Variants in TMEM236 observed in about 807,000 individuals in gnomAD.
TMEM236 encodes family with sequence similarity 23, member A.
In TMEM236, 11 loss-of-function variants were observed where a neutral mutation model predicts 14.7. The ratio of observed to expected loss-of-function variants is 0.75; its 90% CI spans 0.47 to 1.24. The LOEUF (loss-of-function observed/expected upper bound fraction) is 1.24, where lower values mean the gene tolerates loss of function less well. Among genes scored for constraint, TMEM236 ranks in the 50% most tolerant of loss-of-function variants. The pLI is 0.00. For synonymous variants in TMEM236, 182 were observed against 168.6 expected (o/e 1.08, Z -0.62); for missense variants, 464 against 427.3 (o/e 1.09, Z -0.76).
In TMEM236 at chr10:17,800,469, G is replaced by T. The variant is rs1838078002; in HGVS notation, c.*3965G>T. 1.3e-5 allele frequency: 2 copies of T among 151,932 alleles called. No homozygotes were observed. The highest frequency in any genetic ancestry group is 2.9e-5 in the Non-Finnish European group (2 of 67,998). The allele number at this position is 151,932 out of a possible 1,614,324, so 9.4% of individuals were successfully genotyped here. A position where few individuals can be genotyped will look rare whatever the true frequency, so the allele number is the denominator to read the frequency against. On this transcript the variant is annotated 3_prime_UTR_variant, in exon 4 of 4. Transcript: ENST00000377495. ...TTTTTAGTGCCTTTTCTTTCTAAAA[G>T]TTAATGTTTGAAATTACAATGTGTA...
chr10:17,773,326 C>T (rs1183800860), intron 2 of TMEM236, among the ~76,000 whole-genome samples: 4 of 152,126 alleles, frequency 2.6e-5, no homozygotes, highest in South Asian at 4.1e-4. Context: ...CATTCACCAG[C>T]GCTTGCGTTG....
intron 1 of TMEM236, among the ~76,000 whole-genome samples, chr10:17,766,393 C>G (rs1360112432): frequency 1.3e-5 from 2 of 152,192 alleles, no homozygotes; most frequent in African/African-American, 4.8e-5. Context: ...TTAAACCTCA[C>G]CAGAAGCACC....
chr10:17,781,671 A>G (rs906015201), intron 3 of TMEM236, among the ~76,000 whole-genome samples: 34 of 149,198 alleles, frequency 2.3e-4, no homozygotes, highest in South Asian at 1.3e-3. Context: ...GCTTGAACCC[A>G]GGAGGCGGAG....
At chr10:17,765,263 G>A (rs913201650) in intron 1 of TMEM236, among the ~76,000 whole-genome samples, 3 of 152,110 alleles carry the variant, frequency 2.0e-5, no homozygotes, top group East Asian at 1.9e-4. Flanking sequence ...ACTTACACAT[G>A]TCTGTTTTGG....
At chr10:17,791,722 T>C (rs958193342) in intron 3 of TMEM236, among the ~76,000 whole-genome samples, 13 of 152,334 alleles carry the variant, frequency 8.5e-5, no homozygotes, top group African/African-American at 1.9e-4. Context: ...CAATTCCTAC[T>C]CATTCTTACT....
In TMEM236 at chr10:17,794,439, T is replaced by TA. The variant is rs539244711; in HGVS notation, c.473-1477dup. Among the ~76,000 whole-genome samples, 56 of 152,286 alleles carry TA rather than the reference T, an allele frequency of 3.7e-4. No individual in the cohort carries two copies. In the South Asian group the frequency reaches 9.3e-3, roughly 25 times the overall value. ...AAGAACTCGTTATACCTTCTGTGCA[T>TA]AAAAACAATGCCATCAACATTGTTT... On this transcript the variant is annotated intron_variant, in intron 3 of 3. Coordinates refer to ENST00000377495, the MANE Select transcript of TMEM236 (RefSeq NM_001098844.3).
intron 3 of TMEM236, among the ~76,000 whole-genome samples, chr10:17,795,024 T>G (rs1423416555): frequency 6.6e-6 from 1 of 151,980 alleles, no homozygotes; most frequent in Admixed American, 6.6e-5. Flanking sequence ...CAAGACTCTG[T>G]CACAAAAAAA....
intron 3 of TMEM236, among the ~76,000 whole-genome samples, chr10:17,782,771 G>C (rs1320886077): frequency 2.0e-5 from 3 of 152,062 alleles, no homozygotes; most frequent in Non-Finnish European, 2.9e-5. Context: ...ATCTTCTACT[G>C]TGTAGAAGGT....
At chr10:17,754,801 C>G (rs1249079968) in intron 1 of TMEM236, among the ~76,000 whole-genome samples, 1 of 152,152 alleles carries the variant, frequency 6.6e-6, no homozygotes, top group East Asian at 1.9e-4. Flanking sequence ...GTATTGAGAA[C>G]AAATAGTCTC....
At chr10:17,791,942 C>G (rs1837932102) in intron 3 of TMEM236, among the ~76,000 whole-genome samples, 1 of 152,230 alleles carries the variant, frequency 6.6e-6, no homozygotes, top group Admixed American at 6.5e-5. Flanking sequence ...CAACGTCTGT[C>G]TAGCCCAGGC....
Position 17,769,723 on chromosome 10 carries a change from G to A in TMEM236, c.258-1586G>A, listed in dbSNP as rs1023062640. On this transcript the variant is annotated intron_variant, in intron 1 of 3. Coordinates refer to ENST00000377495, the MANE Select transcript of TMEM236 (RefSeq NM_001098844.3). ...TACTGGGTCTGGCCATGAGAGAGGG[G>A]TAATCTCATCTTCTAATTTATATTT... 6.2e-4 allele frequency among the ~76,000 whole-genome samples: 94 copies of A among 152,250 alleles called. 2 individuals carry two copies. The highest frequency in any genetic ancestry group is 2.1e-3 in the African/African-American group (86 of 41,556).
chr10:17,757,415 T>C (rs962853547), intron 1 of TMEM236, among the ~76,000 whole-genome samples: 11 of 151,902 alleles, frequency 7.2e-5, no homozygotes, highest in African/African-American at 2.4e-4. Flanking sequence ...CTAGGCAACG[T>C]AGTGAGACCC....
intron 1 of TMEM236, among the ~76,000 whole-genome samples, chr10:17,763,503 C>G (rs1374991413): frequency 6.6e-6 from 1 of 152,172 alleles, no homozygotes; most frequent in Non-Finnish European, 1.5e-5. Flanking sequence ...TCCTACCCAT[C>G]CCTTTCTACC....
chr10:17,777,087 C>T (rs2131753938), intron 3 of TMEM236, among the ~76,000 whole-genome samples: 1 of 152,232 alleles, frequency 6.6e-6, no homozygotes, highest in African/African-American at 2.4e-5. Context: ...GAGACAGCTT[C>T]AGAGTGACGG....
intron 1 of TMEM236, among the ~76,000 whole-genome samples, chr10:17,760,760 A>G (rs1198846221): frequency 6.6e-6 from 1 of 152,200 alleles, no homozygotes; most frequent in Non-Finnish European, 1.5e-5. Flanking sequence ...CCTCACAATA[A>G]TGGCTGAAGG....
chr10:17,765,701 C>T lies in TMEM236; in HGVS notation c.258-5608C>T, dbSNP rs1014328763. Among the ~76,000 whole-genome samples, 62 of 152,208 alleles carry T rather than the reference C, an allele frequency of 4.1e-4. No homozygotes were observed. In the East Asian group the frequency reaches 8.5e-3, roughly 21 times the overall value. Reference sequence around the variant, plus strand: ...TAGCTTTTAAGGTTTAAAAATAATCCTCTGTGTCTTGATGCTGATTCCTGA... The same window carrying T: ...TAGCTTTTAAGGTTTAAAAATAATCTTCTGTGTCTTGATGCTGATTCCTGA... On this transcript the variant is annotated intron_variant, in intron 1 of 3. Coordinates refer to ENST00000377495, the MANE Select transcript of TMEM236 (RefSeq NM_001098844.3).
At chr10:17,773,398 T>C (rs1554834990) in intron 2 of TMEM236, among the ~76,000 whole-genome samples, 1 of 152,014 alleles carries the variant, frequency 6.6e-6, no homozygotes, top group African/African-American at 2.4e-5. Context: ...CAGTGGTGCG[T>C]GTGATCTTGG....
intron 3 of TMEM236, among the ~76,000 whole-genome samples, chr10:17,789,143 G>A (rs1837882256): frequency 6.6e-6 from 1 of 152,182 alleles, no homozygotes; most frequent in African/African-American, 2.4e-5. Context: ...GTTAGCTGGT[G>A]TAAGCTGCCT....
At chr10:17,774,745 A>G (rs1271200376) in intron 2 of TMEM236, among the ~76,000 whole-genome samples, 6 of 151,886 alleles carry the variant, frequency 4.0e-5, no homozygotes, top group Non-Finnish European at 8.8e-5. Context: ...TTGAAGTTGC[A>G]TTGAATAGTA....
Sources: allele counts gnomAD v4.1 joint callset (sites outside exome capture counted in the v4.1 genomes callset), GRCh38; gene constraint gnomAD v4.1.1; transcripts MANE v1.5; gene names NCBI Gene and HGNC (gene_info 2026-07-23, HGNC 2026-07-21).